Variants in LRP1B observed in about 807,000 individuals in gnomAD.
LRP1B encodes the protein low-density lipoprotein receptor-related protein 1B.
Under a neutral mutation model 556.6 loss-of-function variants are expected in LRP1B, and 217 were observed. The ratio of observed to expected loss-of-function variants is 0.39; its 90% CI spans 0.35 to 0.44. The LOEUF is 0.44. LRP1B is among the 20% of genes least tolerant of loss of function. The pLI is 1.00. For missense variants in LRP1B, 5,053 were observed against 5,620.8 expected, an observed-to-expected ratio of 0.90 and a Z score of 3.23; for synonymous variants, 2,047 against 1,865.8, an observed-to-expected ratio of 1.10 and a Z score of -2.50.
chr2:141,596,655 C>T (rs1687535179), intron 2 of LRP1B, among the ~76,000 whole-genome samples: 1 of 151,992 alleles, frequency 6.6e-6, no homozygotes, highest in African/African-American at 2.4e-5. Context: ...AATTTCATCA[C>T]TTGAAAAGGA....
At chr2:141,760,251 A>G (rs776950299) in intron 2 of LRP1B, among the ~76,000 whole-genome samples, 7 of 152,196 alleles carry the variant, frequency 4.6e-5, no homozygotes, top group Non-Finnish European at 8.8e-5. Context: ...AAAATAAGTG[A>G]TGGTACAACC....
intron 43 of LRP1B, among the ~76,000 whole-genome samples, chr2:140,593,695 C>G (rs1445641819): frequency 6.6e-6 from 1 of 151,624 alleles, no homozygotes; most frequent in Non-Finnish European, 1.5e-5. Context: ...TTATTGTGAC[C>G]ACATTCTAAG....
At chr2:140,615,432 C>T (rs183405898) in intron 41 of LRP1B, among the ~76,000 whole-genome samples, 6 of 152,052 alleles carry the variant, frequency 3.9e-5, no homozygotes, top group Admixed American at 3.9e-4. Context: ...ACTTGGATAA[C>T]CCTGCAATTA....
intron 2 of LRP1B, among the ~76,000 whole-genome samples, chr2:141,795,225 C>T (rs2105671421): frequency 6.6e-6 from 1 of 152,160 alleles, no homozygotes; most frequent in East Asian, 1.9e-4. Context: ...ATTAGGATAT[C>T]TTTCTGTAAG....
At chr2:141,819,119 T>A (rs199898129) in intron 1 of LRP1B, among the ~76,000 whole-genome samples, 1 of 132,484 alleles carries the variant, frequency 7.5e-6, no homozygotes, top group African/African-American at 2.8e-5. Flanking sequence ...CACACCTGTA[T>A]CCCAGCTACT....
intron 2 of LRP1B, among the ~76,000 whole-genome samples, chr2:141,525,818 A>G (rs1684677951): frequency 6.6e-6 from 1 of 152,054 alleles, no homozygotes; most frequent in Non-Finnish European, 1.5e-5. Flanking sequence ...TTTCTGATAA[A>G]CAACTCAGGG....
chr2:140,274,603 GA>G lies in LRP1B; in HGVS notation c.12968-6del, dbSNP rs755044177. The G allele has an allele frequency of 1.8e-5, 28 of 1,599,698 alleles. No individual in the cohort carries two copies. The highest frequency in any genetic ancestry group is 5.3e-5 in the Admixed American group (3 of 57,076). On this transcript the variant is annotated splice_region_variant and splice_polypyrimidine_tract_variant and intron_variant, in intron 84 of 90. Transcript: ENST00000389484. ...CACAATAGTGGTGGCACACGTCTAG[GA>G]AAAAAAGGCACAACAGAAAAATAAA...
intron 31 of LRP1B, among the ~76,000 whole-genome samples, chr2:140,824,614 T>C (rs1453982132): frequency 1.3e-5 from 2 of 152,246 alleles, no homozygotes; most frequent in East Asian, 1.9e-4. Context: ...TGTACTTACA[T>C]AGCAACCCAG....
At chr2:142,104,675 C>A (rs1706685653) in intron 1 of LRP1B, among the ~76,000 whole-genome samples, 1 of 152,142 alleles carries the variant, frequency 6.6e-6, no homozygotes, top group Non-Finnish European at 1.5e-5. Flanking sequence ...GTAGTCAAAA[C>A]CTGTCTCTCT....
intron 1 of LRP1B, among the ~76,000 whole-genome samples, chr2:141,965,490 G>A (rs1218775904): frequency 3.4e-3 from 286 of 83,028 alleles, no homozygotes; most frequent in African/African-American, 5.7e-3. Flanking sequence ...GTAAACTATC[G>A]CAAGAACAAA....
At position 140,509,164 on chromosome 2, in the gene LRP1B, AT is replaced by A. The variant is rs565669045; in HGVS notation, c.8398+763del. On this transcript the variant is annotated intron_variant, in intron 52 of 90. Coordinates refer to ENST00000389484, the MANE Select transcript of LRP1B (RefSeq NM_018557.3). ...TGCTTTAAAGATGTGAAGGCAGGCC[AT>A]TGGAGAGATGACTGACAGAACTCAT... Among the ~76,000 whole-genome samples the A allele has an allele frequency of 4.6e-5, 7 of 151,930 alleles. No individual in the cohort carries two copies. In the South Asian group the frequency reaches 1.0e-3, roughly 23 times the overall value.
chr2:141,513,272 A>T (rs2105156660), intron 2 of LRP1B, among the ~76,000 whole-genome samples: 1 of 152,200 alleles, frequency 6.6e-6, no homozygotes, highest in Admixed American at 6.5e-5. Flanking sequence ...TTTTTCCAGA[A>T]TTTTTTAAAG....
chr2:141,775,977 G>C (rs1033199924), intron 2 of LRP1B, among the ~76,000 whole-genome samples: 1 of 151,682 alleles, frequency 6.6e-6, no homozygotes, highest in African/African-American at 2.4e-5. Flanking sequence ...CAAGTAGCTG[G>C]GACTACAGGT....
At position 142,108,242 on chromosome 2, in the gene LRP1B, T is replaced by C. The variant is rs1559074725; in HGVS notation, c.82+22406A>G. On this transcript the variant is annotated intron_variant, in intron 1 of 90. Coordinates refer to ENST00000389484, the MANE Select transcript of LRP1B (RefSeq NM_018557.3). ...AAGCAGACATGTTCTCTGAAATAAATCTTTCCTATGATTTTAGAGCTCTAC... is the reference window on the plus strand; with the variant it reads ...AAGCAGACATGTTCTCTGAAATAAACCTTTCCTATGATTTTAGAGCTCTAC... Among the ~76,000 whole-genome samples, 4 of 151,990 alleles carry C rather than the reference T, an allele frequency of 2.6e-5. No homozygotes were observed. In the South Asian group the frequency reaches 8.3e-4, roughly 31 times the overall value.
intron 6 of LRP1B, among the ~76,000 whole-genome samples, chr2:141,228,497 A>T (rs1683336366): frequency 6.7e-6 from 1 of 149,254 alleles, no homozygotes; most frequent in African/African-American, 2.5e-5. Flanking sequence ...TGTGTGTATG[A>T]GTGTGTGTGT....
At chr2:142,107,929 A>T (rs1371267885) in intron 1 of LRP1B, among the ~76,000 whole-genome samples, 1 of 150,250 alleles carries the variant, frequency 6.7e-6, no homozygotes, top group African/African-American at 2.4e-5. Context: ...TATAGACATG[A>T]ACCACCATGC....
At chr2:141,315,972 G>A (rs1456791512) in intron 3 of LRP1B, among the ~76,000 whole-genome samples, 1 of 110,028 alleles carries the variant, frequency 9.1e-6, no homozygotes, top group Non-Finnish European at 1.7e-5. Flanking sequence ...TTTTCTATTT[G>A]TGACCAACAT....
At chr2:141,477,975 A>C (rs200944344) in intron 3 of LRP1B, among the ~76,000 whole-genome samples, 1 of 146,978 alleles carries the variant, frequency 6.8e-6, no homozygotes, top group Non-Finnish European at 1.5e-5. Flanking sequence ...AAAAAAAAAA[A>C]GTTGTCACAT....
intron 4 of LRP1B, among the ~76,000 whole-genome samples, chr2:141,249,177 C>G (rs1202112871): frequency 1.3e-5 from 2 of 151,794 alleles, no homozygotes; most frequent in African/African-American, 4.8e-5. Flanking sequence ...ATATGGAAGT[C>G]AATAGCATAT....
Sources: gnomAD v4.1 joint callset for allele counts (sites outside exome capture counted in the v4.1 genomes callset) on GRCh38, gnomAD v4.1.1 for gene constraint, MANE v1.5 for transcripts, NCBI Gene and HGNC (gene_info 2026-07-23, HGNC 2026-07-21) for gene names.